The following ORMDL1 variants were observed in gnomAD, a reference collection of about 807,000 sequenced individuals.
ORMDL1 encodes ORMDL sphingolipid biosynthesis regulator 1.
ORMDL1 carries 10 observed loss-of-function variants against 13.0 expected under a neutral mutation model. The observed-to-expected ratio is 0.77, with a 90% CI of 0.47 to 1.30. The LOEUF is 1.30. Ranked by LOEUF, ORMDL1 falls within the 50% of genes most tolerant of loss-of-function variation. ORMDL1 has a pLI of 0.00. For synonymous variants in ORMDL1, 61 were observed against 63.9 expected (o/e 0.95, Z 0.22); for missense variants, 171 against 186.7 (o/e 0.92, Z 0.49).
At chr2:189,781,489 CTG>C (rs2047829421) in intron 3 of ORMDL1, among the ~76,000 whole-genome samples, 1 of 152,028 alleles carries the variant, frequency 6.6e-6, no homozygotes, top group Non-Finnish European at 1.5e-5. Context: ...CTTTGATACT[CTG>C]TAGAGCTAAC....
chr2:189,776,958 C>T (rs6738042), intron 3 of ORMDL1, among the ~76,000 whole-genome samples: 89,846 of 151,932 alleles, frequency 0.59, 30,099 homozygotes, highest in South Asian at 0.76. Context: ...AAGGTACAAT[C>T]AGAATACTCA....
intron 3 of ORMDL1, among the ~76,000 whole-genome samples, chr2:189,779,534 G>A (rs2047775890): frequency 6.6e-6 from 1 of 152,214 alleles, no homozygotes; most frequent in Non-Finnish European, 1.5e-5. Flanking sequence ...TCTATTTAGA[G>A]ATGGTTGAGA....
In ORMDL1 at chr2:189,770,859, G is replaced by A. The variant is rs923032711; in HGVS notation, c.*908C>T. On this transcript the variant is annotated 3_prime_UTR_variant, in exon 5 of 5. Coordinates refer to ENST00000392349, the MANE Select transcript of ORMDL1 (RefSeq NM_016467.5). ...TACTTACTTTGGTACTATTGCTAGA[G>A]ACGTTGTTTCTGCCAGACCACAGGT... The A allele has an allele frequency of 2.6e-5, 4 of 152,202 alleles. No homozygotes were observed. Among genetic ancestry groups the A allele is most frequent in the Non-Finnish European group, 5.9e-5 (4 of 68,028 alleles). 9.4% of individuals were successfully genotyped at this position (152,202 alleles called of 1,614,324 possible).
At chr2:189,765,260 G>A in the ORMDL1 span, 1 of 152,146 alleles carries the variant, frequency 6.6e-6, no homozygotes, top group Non-Finnish European at 1.5e-5. Flanking sequence ...ATACAGATAA[G>A]GTCCATTCTC....
intron 3 of ORMDL1, among the ~76,000 whole-genome samples, chr2:189,780,834 C>T (rs2047807967): frequency 6.6e-6 from 1 of 152,182 alleles, no homozygotes; most frequent in Admixed American, 6.5e-5. Context: ...ACTAAATGGA[C>T]ACATATTTAT....
intron 1 of ORMDL1, 109 bp from the exon 2 acceptor site, chr2:189,783,232 G>A (rs951473034): frequency 1.1e-4 from 17 of 152,144 alleles, no homozygotes; most frequent in Admixed American, 4.6e-4. Flanking sequence ...TATTTCTCTA[G>A]TCAAATCAAA....
At chr2:189,774,991 T>C (rs2047661149) in intron 4 of ORMDL1, 1 of 152,234 alleles carries the variant, frequency 6.6e-6, no homozygotes, top group African/African-American at 2.4e-5. Context: ...AGGTAGATTA[T>C]TATCTCATTT....
chr2:189,784,137 C>G (rs565412237), intron 1 of ORMDL1, 132 bp downstream of exon 1: 58 of 152,494 alleles, frequency 3.8e-4, no homozygotes, highest in African/African-American at 1.3e-3. Context: ...CCACTTGGCT[C>G]TTACGGCCAC....
chr2:189,765,353 G>C (rs1559184345), downstream of ORMDL1: 1 of 152,212 alleles, frequency 6.6e-6, no homozygotes, highest in Non-Finnish European at 1.5e-5. Flanking sequence ...TGCATTCAGA[G>C]AGGGGTATTG....
intron 3 of ORMDL1, among the ~76,000 whole-genome samples, chr2:189,776,781 C>T (rs768757645): frequency 1.3e-5 from 2 of 152,070 alleles, no homozygotes; most frequent in Non-Finnish European, 2.9e-5. Context: ...TTGGATTTAA[C>T]CCATCAAACA....
intron 3 of ORMDL1, among the ~76,000 whole-genome samples, chr2:189,776,887 A>G (rs1303154477): frequency 1.3e-5 from 2 of 151,002 alleles, no homozygotes; most frequent in African/African-American, 2.5e-5. Flanking sequence ...TCAATCCTCC[A>G]AGAGATGATA....
intron 3 of ORMDL1, among the ~76,000 whole-genome samples, chr2:189,779,008 AC>A (rs927150075): frequency 1.3e-5 from 2 of 151,812 alleles, no homozygotes; most frequent in Admixed American, 6.6e-5. Flanking sequence ...ACACAGCAAG[AC>A]CCCCATCTCA....
At chr2:189,777,132 T>C (rs2047714765) in intron 3 of ORMDL1, among the ~76,000 whole-genome samples, 1 of 152,212 alleles carries the variant, frequency 6.6e-6, no homozygotes. Flanking sequence ...TACAATTTTA[T>C]TGAAAATACG....
At chr2:189,767,087 A>C (rs531400684), downstream of ORMDL1, among the ~76,000 whole-genome samples, 12 of 152,328 alleles carry the variant, frequency 7.9e-5, no homozygotes, top group African/African-American at 2.6e-4. Context: ...TTATCTGTCC[A>C]AGTTCCTGCT....
chr2:189,767,503 A>G (rs184850017), downstream of ORMDL1, among the ~76,000 whole-genome samples: 22 of 152,358 alleles, frequency 1.4e-4, no homozygotes, highest in African/African-American at 5.0e-4. Flanking sequence ...GATTGTCAAT[A>G]AAAATTTATA....
chr2:189,774,706 C>T (rs1222283402), intron 4 of ORMDL1: 2 of 152,168 alleles, frequency 1.3e-5, no homozygotes, highest in African/African-American at 2.4e-5. Context: ...AACATATATA[C>T]ATTTTTTTAT....
intron 3 of ORMDL1, among the ~76,000 whole-genome samples, chr2:189,781,013 A>G (rs922829744): frequency 6.6e-6 from 1 of 152,190 alleles, no homozygotes; most frequent in African/African-American, 2.4e-5. Context: ...TCCCAGGCTC[A>G]AGCGATTCTC....
downstream of ORMDL1, among the ~76,000 whole-genome samples, chr2:189,767,938 A>G (rs994103960): frequency 3.2e-4 from 48 of 152,362 alleles, no homozygotes; most frequent in African/African-American, 1.1e-3. Flanking sequence ...CATCCAATAC[A>G]GTTGAAGCCC....
downstream of ORMDL1, among the ~76,000 whole-genome samples, chr2:189,766,476 C>G (rs1004207408): frequency 6.6e-6 from 1 of 152,126 alleles, no homozygotes; most frequent in Non-Finnish European, 1.5e-5. Flanking sequence ...GCCTGTAATC[C>G]CAGCACTTTG....
Sources: allele counts gnomAD v4.1 joint callset (sites outside exome capture counted in the v4.1 genomes callset), GRCh38; gene constraint gnomAD v4.1.1; transcripts MANE v1.5; gene names NCBI Gene and HGNC (gene_info 2026-07-23, HGNC 2026-07-21).